The following ARHGEF4 variants were observed in gnomAD, a reference collection of about 807,000 sequenced individuals.
ARHGEF4 encodes Rho guanine nucleotide exchange factor 4.
Under a neutral mutation model 162.0 loss-of-function variants are expected in ARHGEF4, and 119 were observed. The observed-to-expected ratio is 0.73, with a 90% CI of 0.63 to 0.86. The LOEUF (loss-of-function observed/expected upper bound fraction) is 0.86, where lower values mean the gene tolerates loss of function less well. ARHGEF4 is among the 40% of genes least tolerant of loss of function. The pLI is 0.00. For missense variants in ARHGEF4, 2,488 were observed against 2,456.0 expected, an observed-to-expected ratio of 1.01 and a Z score of -0.28; for synonymous variants, 1,014 against 979.9, an observed-to-expected ratio of 1.03 and a Z score of -0.65.
chr2:130,995,700 A>G (rs1456162967), intron 4 of ARHGEF4, among the ~76,000 whole-genome samples: 1 of 152,032 alleles, frequency 6.6e-6, no homozygotes, highest in Non-Finnish European at 1.5e-5. Flanking sequence ...CTTCGGTCCA[A>G]TTTCTAATTA....
Position 130,916,909 on chromosome 2 carries a change from G to T in ARHGEF4, c.2963G>T (p.Cys988Phe). The change falls in exon 2 of 14, where the codon TGT becomes TTT. Residue 988 changes from cysteine (C) to phenylalanine (F), a missense_variant. By Grantham distance (205) the Cys-to-Phe change is radical. This residue lies in a region of ARHGEF4 where 1,642 missense variants were observed against 1,481.5 expected (regional missense o/e 1.11). Transcript: ENST00000409359. Reference protein sequence around the residue: ...VLSPAETDSHCEERAEDKEGY... With the variant: ...VLSPAETDSHFEERAEDKEGY... ...TCCCCAGCAGAGACCGACAGCCACT[G>T]TGAGGAACGGGCGGAGGACAAAGAG... 6.4e-7 allele frequency: 1 copy of T among 1,550,642 alleles called. No homozygotes were observed. The highest frequency in any genetic ancestry group is 8.7e-7 in the Non-Finnish European group (1 of 1,147,020).
chr2:130,913,185 GA>G (rs1681296860), intron 1 of ARHGEF4, among the ~76,000 whole-genome samples: 1 of 152,098 alleles, frequency 6.6e-6, no homozygotes, highest in African/African-American at 2.4e-5. Context: ...CTGTGTGGCA[GA>G]AAGCAGGTCA....
intron 4 of ARHGEF4, among the ~76,000 whole-genome samples, chr2:130,985,333 T>A (rs1686408521): frequency 6.6e-6 from 1 of 152,130 alleles, no homozygotes; most frequent in Admixed American, 6.6e-5. Flanking sequence ...CAAAATCTGT[T>A]ACCAAAACAC....
At position 131,044,400 on chromosome 2, in the gene ARHGEF4, G is replaced by A; in HGVS notation, c.5259G>A (p.Val1753=). 1.3e-6 allele frequency: 2 copies of A among 1,584,066 alleles called. No individual in the cohort carries two copies. The highest frequency in any genetic ancestry group is 8.6e-7 in the Non-Finnish European group (1 of 1,165,082). Residue 1753 remains valine (V), a synonymous_variant, in exon 12 of 14, where the codon GTG becomes GTA. Transcript: ENST00000409359. Reference sequence around the variant, plus strand: ...ACGGGAAGGACAGAGACCTCCATGTGAGCATCAAGAACGCCTTCCGGCTGC... The same window carrying A: ...ACGGGAAGGACAGAGACCTCCATGTAAGCATCAAGAACGCCTTCCGGCTGC... ...LEDGKDRDLH[V]SIKNAFRLHR... is the part of the protein sequence containing the mutation.
At chr2:130,993,461 G>A (rs2105290402) in intron 4 of ARHGEF4, among the ~76,000 whole-genome samples, 1 of 151,962 alleles carries the variant, frequency 6.6e-6, no homozygotes, top group African/African-American at 2.4e-5. Flanking sequence ...CTTCTTGTTG[G>A]GTGCAGAATT....
chr2:130,928,258 TCTC>T (rs770075446), intron 2 of ARHGEF4, among the ~76,000 whole-genome samples: 6 of 152,228 alleles, frequency 3.9e-5, no homozygotes, highest in Non-Finnish European at 8.8e-5. Context: ...AGAGGTCTCT[TCTC>T]TGAGGTGGGT....
rs781225259 is a variant in ARHGEF4, at chr2:130,916,721, A to G, written c.2775A>G (p.Leu925=). 6.2e-5 allele frequency: 96 copies of G among 1,550,680 alleles called. 2 individuals are homozygous for G. The South Asian group carries it at 1.1e-3, about 18-fold the overall frequency. Reference sequence around the variant, plus strand: ...CAAACTTTATTGAGTCAATAGTTCTAGAGAAAGAGAACACCCATGAACGTT... The same window carrying G: ...CAAACTTTATTGAGTCAATAGTTCTGGAGAAAGAGAACACCCATGAACGTT... ...TFSNFIESIV[L]EKENTHERSP... The change falls in exon 2 of 14, where the codon CTA becomes CTG. Residue 925 remains leucine (L), a synonymous_variant. Transcript: ENST00000409359.
intron 5 of ARHGEF4, among the ~76,000 whole-genome samples, chr2:131,037,650 CTCA>C (rs1340810688): frequency 1.3e-5 from 2 of 152,216 alleles, no homozygotes; most frequent in Non-Finnish European, 2.9e-5. Context: ...CCTAGAACTG[CTCA>C]TCATTCAGGG....
At chr2:131,038,810 C>T in intron 5 of ARHGEF4, 43 bp from the exon 6 acceptor site, 10 of 1,555,204 alleles carry the variant, frequency 6.4e-6, no homozygotes, top group Non-Finnish European at 8.7e-6. Flanking sequence ...GAGGCCCAGG[C>T]AGCCTCCCCC....
At chr2:130,920,597 C>T (rs1013771412) in intron 2 of ARHGEF4, among the ~76,000 whole-genome samples, 9 of 152,166 alleles carry the variant, frequency 5.9e-5, no homozygotes, top group African/African-American at 2.2e-4. Flanking sequence ...TGAAACTCCC[C>T]TTGGAGAAAT....
intron 2 of ARHGEF4, among the ~76,000 whole-genome samples, chr2:130,921,103 G>T (rs1340514567): frequency 1.3e-5 from 2 of 152,032 alleles, no homozygotes; most frequent in Non-Finnish European, 2.9e-5. Flanking sequence ...TATTACTATG[G>T]GTGTGGGGGT....
At chr2:130,843,212 T>C (rs1225067625) in intron 1 of ARHGEF4, among the ~76,000 whole-genome samples, 2 of 152,022 alleles carry the variant, frequency 1.3e-5, no homozygotes, top group African/African-American at 4.8e-5. Context: ...GACTGAGAAA[T>C]TTTCCAGGAC....
chr2:130,935,124 T>G (rs1682861626), intron 3 of ARHGEF4, among the ~76,000 whole-genome samples: 2 of 152,132 alleles, frequency 1.3e-5, no homozygotes, highest in Non-Finnish European at 2.9e-5. Context: ...TCTATTATTT[T>G]TCTTATTTTT....
intron 1 of ARHGEF4, among the ~76,000 whole-genome samples, chr2:130,838,640 GGAAA>G (rs1332842905): frequency 2.7e-5 from 4 of 150,074 alleles, no homozygotes; most frequent in Admixed American, 6.7e-5. Context: ...AAGGAAGGAA[GGAAA>G]GGAAGGAAGG....
chr2:130,931,207 C>T lies in ARHGEF4; in HGVS notation c.3808C>T (p.His1270Tyr), dbSNP rs1027672200. 12 of 1,613,710 alleles carry T rather than the reference C, an allele frequency of 7.4e-6. No homozygotes were observed. The Middle Eastern group carries it at 4.9e-4, about 66-fold the overall frequency. Reference sequence around the variant, plus strand: ...GAGAAAGAAGTTGCAGAAGCAGGCCCACGTCGAAAGGAGGCTGCACATAGG... The same window carrying T: ...GAGAAAGAAGTTGCAGAAGCAGGCCTACGTCGAAAGGAGGCTGCACATAGG... Reference protein sequence around the residue: ...TQRKKLQKQAHVERRLHIGAV... With the variant: ...TQRKKLQKQAYVERRLHIGAV... Residue 1270 changes from histidine to tyrosine, a missense_variant, in exon 3 of 14, where the codon CAC becomes TAC. Coordinates refer to ENST00000409359, the MANE Select transcript of ARHGEF4 (RefSeq NM_001367493.1).
chr2:130,978,737 G>A (rs564889174), intron 4 of ARHGEF4, among the ~76,000 whole-genome samples: 1 of 150,580 alleles, frequency 6.6e-6, no homozygotes, highest in African/African-American at 2.4e-5. Context: ...ATATTTCAAG[G>A]CTATAAATAG....
In ARHGEF4 at chr2:130,860,483, C is replaced by T. The variant is rs886376106; in HGVS notation, c.39+23491C>T. On this transcript the variant is annotated intron_variant, in intron 1 of 13. Coordinates refer to ENST00000409359, the MANE Select transcript of ARHGEF4 (RefSeq NM_001367493.1). ...CAGCACTTTGGGAGGCCGAGGCAGG[C>T]AGATCACGAGGTCAGGAGATCGAGA... 4.0e-4 allele frequency among the ~76,000 whole-genome samples: 32 copies of T among 79,044 alleles called. 5 individuals carry two copies. Among genetic ancestry groups the T allele is most frequent in the African/African-American group, 1.4e-3 (16 of 11,660 alleles). 51.9% of individuals were successfully genotyped at this position (79,044 alleles called of 152,430 possible).
At chr2:130,971,087 T>C (rs1465838243) in intron 4 of ARHGEF4, among the ~76,000 whole-genome samples, 2 of 152,214 alleles carry the variant, frequency 1.3e-5, no homozygotes, top group Non-Finnish European at 2.9e-5. Context: ...TTGAGTTAAT[T>C]TTTTAAGGTT....
At chr2:131,039,685 C>T in intron 6 of ARHGEF4, 1 of 1,240,024 alleles carries the variant, frequency 8.1e-7, no homozygotes, top group Non-Finnish European at 1.0e-6. Context: ...CATCCCCCTG[C>T]TTCTGCCCGC....
Sources: allele counts gnomAD v4.1 joint callset (sites outside exome capture counted in the v4.1 genomes callset), GRCh38; gene constraint gnomAD v4.1.1; regional missense constraint gnomAD v4.1.1; transcripts MANE v1.5; gene names NCBI Gene and HGNC (gene_info 2026-07-23, HGNC 2026-07-21).